NAT1: variants seen among roughly 807,000 people sequenced by gnomAD.
NAT1 encodes N-acetyltransferase 1.
For synonymous variants in NAT1, 144 were observed against 122.6 expected (o/e 1.17, Z -1.16); for missense variants, 400 against 339.2 (o/e 1.18, Z -1.41).
intron 2 of NAT1, among the ~76,000 whole-genome samples, chr8:18,174,630 A>T (rs1320599113): frequency 1.3e-5 from 2 of 152,104 alleles, no homozygotes; most frequent in South Asian, 4.1e-4. Flanking sequence ...TGGAGAACCC[A>T]GCTTTAGAGG....
At chr8:18,195,243 A>C (rs957317725) in intron 2 of NAT1, among the ~76,000 whole-genome samples, 1 of 152,208 alleles carries the variant, frequency 6.6e-6, no homozygotes, top group East Asian at 1.9e-4. Context: ...TCACCACGCT[A>C]GTCCCTAAGG....
At chr8:18,179,069 C>T (rs1057298340) in intron 2 of NAT1, among the ~76,000 whole-genome samples, 1 of 152,110 alleles carries the variant, frequency 6.6e-6, no homozygotes, top group Non-Finnish European at 1.5e-5. Flanking sequence ...TATGCCCGGC[C>T]TTCTCTCTTG....
At chr8:18,203,619 G>T (rs1247003359) in intron 2 of NAT1, among the ~76,000 whole-genome samples, 1 of 152,188 alleles carries the variant, frequency 6.6e-6, no homozygotes, top group South Asian at 2.1e-4. Context: ...GTGCCTCCTG[G>T]CTATGCTGGG....
rs952859713 is a variant in NAT1 at position 18,221,751 on chromosome 8, T to C, written c.-6-291T>C. On this transcript the variant is annotated intron_variant, in intron 2 of 2. Coordinates refer to ENST00000307719, the MANE Select transcript of NAT1 (RefSeq NM_000662.8). ...GATACCAGTTGGAATCTCTCTTTTA[T>C]TAATCACCAAGAGAACCATGAACAA... 1.3e-4 allele frequency: 35 copies of C among 276,364 alleles called. 1 individual carries two copies. The highest frequency in any genetic ancestry group is 6.8e-4 in the Admixed American group (14 of 20,454). 17.1% of individuals were successfully genotyped at this position (276,364 alleles called of 1,614,324 possible).
In NAT1 at chr8:18,222,953, A is replaced by G. The variant is rs758782821; in HGVS notation, c.*33A>G. The G allele has an allele frequency of 6.6e-7, 1 of 1,506,340 alleles. No individual in the cohort carries two copies. The highest frequency in any genetic ancestry group is 2.3e-5 in the East Asian group (1 of 43,832). The allele number at this position is 1,506,340 out of a possible 1,614,324, so 93.3% of individuals were successfully genotyped here. A position where few individuals can be genotyped will look rare whatever the true frequency, so the allele number is the denominator to read the frequency against. Reference sequence around the variant, plus strand: ...AGTAAAACAATCTTGTCTATTTGTCATCCAGCTCACCAGTTATCAACTGAC... The same window carrying G: ...AGTAAAACAATCTTGTCTATTTGTCGTCCAGCTCACCAGTTATCAACTGAC... On this transcript the variant is annotated 3_prime_UTR_variant, in exon 3 of 3. Transcript: ENST00000307719.
chr8:18,205,704 C>G (rs1803685178), upstream of NAT1, among the ~76,000 whole-genome samples: 1 of 152,162 alleles, frequency 6.6e-6, no homozygotes. Flanking sequence ...GCACTGGGCC[C>G]TAGGGAAGCT....
At chr8:18,205,338 G>A (rs1803664571), upstream of NAT1, among the ~76,000 whole-genome samples, 1 of 152,202 alleles carries the variant, frequency 6.6e-6, no homozygotes, top group Admixed American at 6.5e-5. Flanking sequence ...TCATACTGGT[G>A]GTGGTATTGG....
chr8:18,172,128 G>C (rs1348686911), intron 2 of NAT1, among the ~76,000 whole-genome samples: 1 of 152,152 alleles, frequency 6.6e-6, no homozygotes, highest in Non-Finnish European at 1.5e-5. Flanking sequence ...AGCGTCACAA[G>C]TAACAACCAC....
At chr8:18,210,756 G>A (rs558432162) in intron 1 of NAT1, among the ~76,000 whole-genome samples, 8 of 152,268 alleles carry the variant, frequency 5.3e-5, no homozygotes, top group Non-Finnish European at 7.4e-5. Context: ...TGTTTGCAAT[G>A]CCTATGGGAA....
At chr8:18,205,230 T>A (rs562245395), upstream of NAT1, among the ~76,000 whole-genome samples, 1 of 152,252 alleles carries the variant, frequency 6.6e-6, no homozygotes, top group Non-Finnish European at 1.5e-5. Flanking sequence ...TGCTAGCAGG[T>A]GCCAGAGTGC....
At chr8:18,174,291 G>A (rs192098569) in intron 2 of NAT1, among the ~76,000 whole-genome samples, 105 of 152,252 alleles carry the variant, frequency 6.9e-4, no homozygotes, top group Non-Finnish European at 1.3e-3. Context: ...TTCTCAGCAA[G>A]CCGTATTTCA....
At chr8:18,215,546 T>C (rs919857313) in intron 1 of NAT1, among the ~76,000 whole-genome samples, 4 of 152,204 alleles carry the variant, frequency 2.6e-5, no homozygotes, top group Non-Finnish European at 5.9e-5. Context: ...ATAAAACTAT[T>C]ATTTTATCAC....
intron 2 of NAT1, among the ~76,000 whole-genome samples, chr8:18,201,744 G>A (rs1028824171): frequency 2.6e-5 from 4 of 152,134 alleles, no homozygotes; most frequent in Non-Finnish European, 5.9e-5. Flanking sequence ...GTCCCATGGT[G>A]CTTCCCTCTT....
chr8:18,211,572 G>A (rs1804104908), intron 1 of NAT1, among the ~76,000 whole-genome samples: 1 of 152,094 alleles, frequency 6.6e-6, no homozygotes, highest in African/African-American at 2.4e-5. Context: ...TTTCTGGCCT[G>A]GTGCAAGTAA....
intron 2 of NAT1, among the ~76,000 whole-genome samples, chr8:18,200,355 TA>T (rs1803410866): frequency 6.6e-6 from 1 of 152,076 alleles, no homozygotes; most frequent in Admixed American, 6.6e-5. Flanking sequence ...TATGCAGCCA[TA>T]AAAAAGAACA....
At chr8:18,203,014 C>T (rs765071021) in intron 2 of NAT1, among the ~76,000 whole-genome samples, 9 of 152,078 alleles carry the variant, frequency 5.9e-5, no homozygotes, top group African/African-American at 1.7e-4. Flanking sequence ...AGACACAGAG[C>T]GAGATTGGTG....
chr8:18,172,964 G>A (rs1802151878), intron 2 of NAT1, among the ~76,000 whole-genome samples: 1 of 152,098 alleles, frequency 6.6e-6, no homozygotes, highest in African/African-American at 2.4e-5. Context: ...AGCATGTGAG[G>A]CTAGACGCAC....
chr8:18,187,452 GC>G (rs2117243100), intron 2 of NAT1, among the ~76,000 whole-genome samples: 1 of 152,274 alleles, frequency 6.6e-6, no homozygotes, highest in Non-Finnish European at 1.5e-5. Flanking sequence ...TAACCTAAAT[GC>G]CCATCAATGG....
intron 2 of NAT1, among the ~76,000 whole-genome samples, chr8:18,179,029 A>T (rs1330088371): frequency 6.6e-6 from 1 of 152,112 alleles, no homozygotes; most frequent in Non-Finnish European, 1.5e-5. Flanking sequence ...GCCTTTAATT[A>T]GTCAACATTT....
Sources: allele counts gnomAD v4.1 joint callset (sites outside exome capture counted in the v4.1 genomes callset), GRCh38; gene constraint gnomAD v4.1.1; transcripts MANE v1.5; gene names NCBI Gene and HGNC (gene_info 2026-07-23, HGNC 2026-07-21).